The following GAREM1 variants were observed in gnomAD, a reference collection of about 807,000 sequenced individuals.
GAREM1 encodes the protein GRB2 associated regulator of MAPK1 subtype 1, also known as GRB2-associated and regulator of MAPK protein 1.
GAREM1 carries 26 observed loss-of-function variants against 71.3 expected under a neutral mutation model. The observed-to-expected ratio is 0.36, with a 90% confidence interval of 0.27 to 0.51. The LOEUF is 0.51. GAREM1 is among the 20% of genes least tolerant of loss of function. The pLI is 0.95. For missense variants in GAREM1, 1,026 were observed against 1,103.1 expected (o/e 0.93, Z 0.99); for synonymous variants, 440 against 433.2 (o/e 1.02, Z -0.20).
At chr18:32,466,014 T>C (rs1005952056) in intron 1 of GAREM1, among the ~76,000 whole-genome samples, 1 of 152,212 alleles carries the variant, frequency 6.6e-6, no homozygotes, top group Non-Finnish European at 1.5e-5. Flanking sequence ...AAAATATTGA[T>C]TCGTGTTGCA....
At position 32,303,217 on chromosome 18, in the gene GAREM1, A is replaced by C. The variant is rs2047217422; in HGVS notation, c.393+6976T>G. On this transcript the variant is annotated intron_variant, in intron 3 of 5. Coordinates refer to ENST00000269209, the MANE Select transcript of GAREM1 (RefSeq NM_001242409.2). ...GGAGCTAAAATAGTAACATTATAGCATCCAGATTAGGGTATTTGGGCTCTG... is the reference window on the plus strand; with the variant it reads ...GGAGCTAAAATAGTAACATTATAGCCTCCAGATTAGGGTATTTGGGCTCTG... Among the ~76,000 whole-genome samples, 4 of 152,214 alleles carry C rather than the reference A, an allele frequency of 2.6e-5. No homozygotes were observed. The South Asian group carries it at 8.3e-4, about 31-fold the overall frequency.
rs115785683 is a variant in GAREM1 at position 32,401,957 on chromosome 18, C to T, written c.122-8922G>A. Among the ~76,000 whole-genome samples the T allele has an allele frequency of 2.4e-3, 370 of 152,134 alleles. 1 individual carries two copies. Among genetic ancestry groups the T allele is most frequent in the African/African-American group, 8.6e-3 (356 of 41,510 alleles). ...TTAAAGCCATAAAGTAGTAAGAAAC[C>T]AATGCTTATGTCTTTTTTTATTTTA... On this transcript the variant is annotated intron_variant, in intron 1 of 5. Transcript: ENST00000269209.
intron 2 of GAREM1, among the ~76,000 whole-genome samples, chr18:32,347,397 G>T (rs111334322): frequency 6.6e-6 from 1 of 152,060 alleles, no homozygotes; most frequent in African/African-American, 2.4e-5. Flanking sequence ...CTAGTCTATG[G>T]AAAGCACTGC....
At chr18:32,448,896 T>C (rs766045931) in intron 1 of GAREM1, among the ~76,000 whole-genome samples, 1 of 152,156 alleles carries the variant, frequency 6.6e-6, no homozygotes, top group African/African-American at 2.4e-5. Flanking sequence ...GCCCTCATGG[T>C]TCTTTTTATT....
In GAREM1 at chr18:32,424,126, A is replaced by AC. The variant is rs1429217349; in HGVS notation, c.122-31092dup. Reference sequence around the variant, plus strand: ...GATCCAGCCCAGAGAACATAGTGAGACCCCCATCTCCCCACCAGCCAGAAA... The same window carrying AC: ...GATCCAGCCCAGAGAACATAGTGAGACCCCCCATCTCCCCACCAGCCAGAAA... On this transcript the variant is annotated intron_variant, in intron 1 of 5. Transcript: ENST00000269209. Among the ~76,000 whole-genome samples the AC allele has an allele frequency of 2.0e-5, 3 of 149,938 alleles. No individual in the cohort carries two copies. In the East Asian group the frequency reaches 5.9e-4, roughly 29 times the overall value.
intron 1 of GAREM1, among the ~76,000 whole-genome samples, chr18:32,435,198 C>T (rs1030684127): frequency 5.3e-5 from 8 of 151,628 alleles, no homozygotes; most frequent in South Asian, 2.1e-4. Context: ...ATTTAAAAAG[C>T]CAAAGGAGGC....
Position 32,268,591 on chromosome 18 carries a change from C to T in GAREM1, c.1911G>A (p.Gln637=). Residue 637 remains glutamine, a synonymous_variant, in exon 6 of 6, where the codon CAG becomes CAA. Transcript: ENST00000269209. ...GATCCAGCAGGAAGTCACTCCTGGT[C>T]TGGCTTTCTGATGCTCCTGAATAAT... is the stretch of plus-strand genomic sequence containing the variant. ...PNHYSGASES[Q]TRSDFLLDPS... is the part of the protein sequence containing the mutation. 1 of 1,614,138 alleles carries T rather than the reference C, an allele frequency of 6.2e-7. No individual in the cohort carries two copies. Among genetic ancestry groups the T allele is most frequent in the East Asian group, 2.2e-5 (1 of 44,878 alleles).
intron 1 of GAREM1, among the ~76,000 whole-genome samples, chr18:32,454,236 C>T (rs2048867837): frequency 6.6e-6 from 1 of 151,822 alleles, no homozygotes; most frequent in Non-Finnish European, 1.5e-5. Flanking sequence ...AATTACTGGA[C>T]CCAAAGATAC....
At chr18:32,338,260 T>C (rs1011578433) in intron 2 of GAREM1, among the ~76,000 whole-genome samples, 7 of 152,214 alleles carry the variant, frequency 4.6e-5, no homozygotes, top group African/African-American at 1.7e-4. Context: ...AGGAGTTCTG[T>C]AAATATTCAT....
rs1214589677 is a variant in GAREM1 at position 32,287,193 on chromosome 18, G to A, written c.1404C>T (p.Leu468=). ...TGTTCTTCTCGCTCAGAGAGCGAGTGAGAGGCTGATGGCTGGGCTTGCCTT... is the reference window on the plus strand; with the variant it reads ...TGTTCTTCTCGCTCAGAGAGCGAGTAAGAGGCTGATGGCTGGGCTTGCCTT... ...LEEGKPSHQP[L]TRSLSEKNRC... is the part of the protein sequence containing the mutation. The change falls in exon 4 of 6, where the codon CTC becomes CTT. Residue 468 remains leucine, a synonymous_variant. Transcript: ENST00000269209. The surrounding 1 kb of genome is among the most constrained non-coding windows in gnomAD (Gnocchi z 5.9). 9 of 1,614,146 alleles carry A rather than the reference G, an allele frequency of 5.6e-6. No homozygotes were observed. The highest frequency in any genetic ancestry group is 4.2e-6 in the Non-Finnish European group (5 of 1,180,056).
intron 1 of GAREM1, among the ~76,000 whole-genome samples, chr18:32,426,594 T>A (rs1035915442): frequency 1.3e-5 from 2 of 152,196 alleles, no homozygotes; most frequent in African/African-American, 4.8e-5. Context: ...TCTAAATGTA[T>A]CACTACCATT....
chr18:32,468,608 T>C (rs2049019515), intron 1 of GAREM1, among the ~76,000 whole-genome samples: 1 of 152,202 alleles, frequency 6.6e-6, no homozygotes, highest in Non-Finnish European at 1.5e-5. Context: ...ATTCAGATCC[T>C]TTTTATGAAT....
intron 3 of GAREM1, among the ~76,000 whole-genome samples, chr18:32,303,342 C>T (rs1206660390): frequency 2.0e-5 from 3 of 152,114 alleles, no homozygotes; most frequent in African/African-American, 4.8e-5. Context: ...CACCTTTTTC[C>T]CCTCTCTCTC....
At chr18:32,466,982 G>A (rs1318268736) in intron 1 of GAREM1, among the ~76,000 whole-genome samples, 29 of 152,174 alleles carry the variant, frequency 1.9e-4, no homozygotes, top group Admixed American at 1.9e-3. Context: ...CATCAAGGAT[G>A]TAATATTGAA....
At chr18:32,426,432 C>T (rs1427964801) in intron 1 of GAREM1, among the ~76,000 whole-genome samples, 7 of 152,148 alleles carry the variant, frequency 4.6e-5, no homozygotes, top group African/African-American at 1.7e-4. Context: ...CTTTTACTGA[C>T]ATTAAAATAG....
chr18:32,305,790 G>C (rs867808913), intron 3 of GAREM1, among the ~76,000 whole-genome samples: 57 of 152,308 alleles, frequency 3.7e-4, no homozygotes, highest in African/African-American at 1.3e-3. Flanking sequence ...AAAGTGCTGG[G>C]ATTACATGCA....
chr18:32,314,463 C>T (rs758737992), intron 2 of GAREM1, among the ~76,000 whole-genome samples: 28 of 152,104 alleles, frequency 1.8e-4, no homozygotes, highest in Non-Finnish European at 3.7e-4. Flanking sequence ...CTTCAAGGGC[C>T]GCCATGAGGA....
chr18:32,360,561 T>C (rs994561467), intron 2 of GAREM1, among the ~76,000 whole-genome samples: 3 of 151,700 alleles, frequency 2.0e-5, no homozygotes, highest in African/African-American at 4.8e-5. Context: ...CAGATCTTTT[T>C]TGGGGGGGTG....
At chr18:32,335,239 T>C (rs1173043278) in intron 2 of GAREM1, among the ~76,000 whole-genome samples, 1 of 152,240 alleles carries the variant, frequency 6.6e-6, no homozygotes, top group Non-Finnish European at 1.5e-5. Flanking sequence ...ATTTGGCGAA[T>C]ATTCCAAAGA....
Sources: allele counts gnomAD v4.1 joint callset (sites outside exome capture counted in the v4.1 genomes callset), GRCh38; gene constraint gnomAD v4.1.1; non-coding constraint Gnocchi (gnomAD v3.1); transcripts MANE v1.5; gene names NCBI Gene and HGNC (gene_info 2026-07-23, HGNC 2026-07-21).